EYS: variants seen among roughly 807,000 people sequenced by gnomAD.
EYS encodes the protein EGF-like photoreceptor maintenance factor, also known as protein eyes shut homolog.
Under a neutral mutation model 282.1 loss-of-function variants are expected in EYS, and 250 were observed. That is an observed-to-expected ratio of 0.89 (90% CI 0.80 to 0.98). The LOEUF (loss-of-function observed/expected upper bound fraction) is 0.98, where lower values mean the gene tolerates loss of function less well. Ranked by LOEUF, EYS falls within the 50% of genes least tolerant of loss-of-function variation. EYS has a pLI of 0.00. For synonymous variants in EYS, 1,355 were observed against 1,282.9 expected, an observed-to-expected ratio of 1.06 and a Z score of -1.20; for missense variants, 4,016 against 3,709.0, an observed-to-expected ratio of 1.08 and a Z score of -2.15.
intron 12 of EYS, among the ~76,000 whole-genome samples, chr6:65,211,402 T>C (rs927056359): frequency 6.6e-6 from 1 of 152,036 alleles, no homozygotes; most frequent in South Asian, 2.1e-4. Flanking sequence ...ATCTGAGACA[T>C]AACATGCAAA....
intron 35 of EYS, among the ~76,000 whole-genome samples, chr6:63,913,906 G>A (rs1764347434): frequency 6.6e-6 from 1 of 152,108 alleles, no homozygotes; most frequent in South Asian, 2.1e-4. Context: ...TTTTCCAACA[G>A]CGTATGCTTC....
intron 5 of EYS, among the ~76,000 whole-genome samples, chr6:65,462,815 A>T (rs184026768): frequency 1.8e-3 from 273 of 152,196 alleles, no homozygotes; most frequent in African/African-American, 6.4e-3. Context: ...ATGGTTCTTA[A>T]TATGTGTTGT....
chr6:63,868,502 TC>T (rs796953097), intron 35 of EYS, among the ~76,000 whole-genome samples: 13 of 152,240 alleles, frequency 8.5e-5, no homozygotes, highest in African/African-American at 3.1e-4. Flanking sequence ...TTAGCCGATT[TC>T]AAAGTTGGCC....
At chr6:64,782,793 C>T (rs62415501) in intron 22 of EYS, among the ~76,000 whole-genome samples, 322 of 152,262 alleles carry the variant, frequency 2.1e-3, no homozygotes, top group Non-Finnish European at 3.4e-3. Flanking sequence ...TTCTCAATTA[C>T]ATATATTTTT....
At chr6:65,595,250 A>G (rs557394240) in intron 2 of EYS, among the ~76,000 whole-genome samples, 8 of 152,212 alleles carry the variant, frequency 5.3e-5, no homozygotes, top group Admixed American at 4.6e-4. Flanking sequence ...GTTCTCACTC[A>G]TAGGTGGGAA....
chr6:64,735,561 G>A (rs539341810), intron 22 of EYS, among the ~76,000 whole-genome samples: 7 of 152,176 alleles, frequency 4.6e-5, no homozygotes, highest in African/African-American at 1.2e-4. Flanking sequence ...TCTTATTTAA[G>A]TATTTCTACT....
At chr6:63,828,192 C>A (rs1013670117) in intron 36 of EYS, among the ~76,000 whole-genome samples, 2 of 152,048 alleles carry the variant, frequency 1.3e-5, no homozygotes, top group Non-Finnish European at 2.9e-5. Context: ...CAAGAACAAA[C>A]CGAACCCAAA....
At chr6:64,852,481 C>T (rs902891200) in intron 19 of EYS, among the ~76,000 whole-genome samples, 1 of 152,072 alleles carries the variant, frequency 6.6e-6, no homozygotes, top group Admixed American at 6.6e-5. Context: ...TGCAGACAGC[C>T]TATTGTGGGA....
intron 8 of EYS, among the ~76,000 whole-genome samples, chr6:65,361,548 T>G (rs1169534259): frequency 6.6e-6 from 1 of 151,706 alleles, no homozygotes; most frequent in Non-Finnish European, 1.5e-5. Flanking sequence ...TAGTGCTATC[T>G]CTGCCCACTG....
rs150058027 is a variant in EYS, at chr6:64,831,282, T to C, written c.2993-8460A>G. Among the ~76,000 whole-genome samples the C allele has an allele frequency of 1.2e-3, 187 of 152,140 alleles. 1 individual carries two copies. The highest frequency in any genetic ancestry group is 4.2e-3 in the African/African-American group (176 of 41,548). On this transcript the variant is annotated intron_variant, in intron 19 of 42. Coordinates refer to ENST00000503581, the MANE Select transcript of EYS (RefSeq NM_001142800.2). ...AAATGTTGAAAGTGTATGAAGTAGT[T>C]ACTAGGAAAATGTATATCATTAATA...
chr6:65,237,382 T>C (rs984208185), intron 12 of EYS, among the ~76,000 whole-genome samples: 3 of 152,170 alleles, frequency 2.0e-5, no homozygotes, highest in African/African-American at 7.2e-5. Context: ...CTCTAGAGAC[T>C]TGAATAGTAT....
At chr6:65,435,676 A>C (rs12211561) in intron 5 of EYS, among the ~76,000 whole-genome samples, 28,187 of 152,148 alleles carry the variant, frequency 0.19, 3,269 homozygotes, top group Middle Eastern at 0.3. Context: ...ACACTTACTA[A>C]GGACTGAATT....
chr6:63,879,593 A>G (rs139476730), intron 35 of EYS, among the ~76,000 whole-genome samples: 402 of 152,312 alleles, frequency 2.6e-3, no homozygotes, highest in Non-Finnish European at 4.1e-3. Flanking sequence ...TTAAATGCAT[A>G]TATACTCTTT....
intron 33 of EYS, among the ~76,000 whole-genome samples, chr6:64,064,757 C>A (rs937092161): frequency 6.6e-6 from 1 of 152,126 alleles, no homozygotes; most frequent in African/African-American, 2.4e-5. Context: ...GCAATTATTT[C>A]ATGTATAACT....
chr6:64,221,974 C>T (rs957531566), intron 31 of EYS, among the ~76,000 whole-genome samples: 14 of 152,048 alleles, frequency 9.2e-5, no homozygotes, highest in African/African-American at 3.4e-4. Context: ...ATTGAGATTA[C>T]ACAAAGTTTC....
At chr6:65,559,637 T>C (rs891065722) in intron 2 of EYS, among the ~76,000 whole-genome samples, 4 of 152,218 alleles carry the variant, frequency 2.6e-5, no homozygotes, top group Non-Finnish European at 5.9e-5. Context: ...ACTATGTTTT[T>C]ACTATAGTTT....
At chr6:65,540,942 G>A (rs1421030886) in intron 2 of EYS, among the ~76,000 whole-genome samples, 2 of 151,800 alleles carry the variant, frequency 1.3e-5, no homozygotes, top group Non-Finnish European at 2.9e-5. Flanking sequence ...TTAGAGAAAG[G>A]TAATTAAAAA....
chr6:63,962,557 G>GAGAT (rs1422149405), intron 35 of EYS, among the ~76,000 whole-genome samples: 1 of 152,160 alleles, frequency 6.6e-6, no homozygotes, highest in Non-Finnish European at 1.5e-5. Flanking sequence ...AAACCACAGT[G>GAGAT]AGATACCATC....
chr6:64,834,256 C>T (rs1025327230), intron 19 of EYS, among the ~76,000 whole-genome samples: 6 of 151,772 alleles, frequency 4.0e-5, no homozygotes, highest in South Asian at 2.1e-4. Flanking sequence ...AAAAAAAGCT[C>T]ATGATTACAA....
Sources: gnomAD v4.1 joint callset for allele counts (sites outside exome capture counted in the v4.1 genomes callset) on GRCh38, gnomAD v4.1.1 for gene constraint, MANE v1.5 for transcripts, NCBI Gene and HGNC (gene_info 2026-07-23, HGNC 2026-07-21) for gene names.